Variants in ERI2 observed in about 807,000 individuals in gnomAD.
ERI2 encodes the protein ERI1 exoribonuclease 2.
Under a neutral mutation model 46.8 loss-of-function variants are expected in ERI2, and 35 were observed. The observed-to-expected ratio is 0.75, with a 90% CI of 0.57 to 0.99. The LOEUF is 0.99. Ranked by LOEUF, ERI2 falls within the 50% of genes least tolerant of loss-of-function variation. The pLI is 0.00. For missense variants in ERI2, 695 were observed against 796.2 expected (o/e 0.87, Z 1.53); for synonymous variants, 224 against 271.0 (o/e 0.83, Z 1.70).
downstream of ERI2, chr16:20,796,234 G>A (rs1366167071): frequency 6.4e-6 from 9 of 1,407,296 alleles, no homozygotes; most frequent in Non-Finnish European, 7.5e-6. Context: ...TAAGAGCACA[G>A]AGCTGGGATC....
rs775210578 is a variant in ERI2 at position 20,786,416 on chromosome 16, C to CA, written c.894+3062dup. 332 of 655,466 alleles carry CA rather than the reference C, an allele frequency of 5.1e-4. 1 individual carries two copies. The highest frequency in any genetic ancestry group is 6.6e-4 in the Non-Finnish European group (304 of 461,310). The allele number at this position is 655,466 out of a possible 1,614,324, so 40.6% of individuals were successfully genotyped here. On this transcript the variant is annotated intron_variant, in intron 10 of 10. Transcript: ENST00000300005. ...ACCCATTAGGCTGGATGCAGTGGCT[C>CA]ACGCCTGTAATCCCAACACTTTGGG...
At chr16:20,786,241 C>T (rs766699010) in intron 10 of ERI2, 1 of 1,511,938 alleles carries the variant, frequency 6.6e-7, no homozygotes, top group South Asian at 1.3e-5. Flanking sequence ...TATAAACTTT[C>T]TTTGTTATGA....
chr16:20,780,660 AAC>A lies in ERI2; in HGVS notation c.967_968del (p.Val323TyrfsTer3). Reference sequence around the variant, plus strand: ...GAGCTTCTCAAAATTTTTCAGTGGTAACAGTCTGTGATGCTGTGTTTAACATG... The same window carrying A: ...GAGCTTCTCAAAATTTTTCAGTGGTAAGTCTGTGATGCTGTGTTTAACATG... On this transcript the variant is annotated frameshift_variant, in exon 11 of 11. Transcript: ENST00000300005. LOFTEE classifies it low-confidence loss of function (END_TRUNC). 1.2e-6 allele frequency: 2 copies of A among 1,614,160 alleles called. No individual in the cohort carries two copies. Among genetic ancestry groups the A allele is most frequent in the Non-Finnish European group, 1.7e-6 (2 of 1,179,980 alleles).
chr16:20,794,457 CT>C (rs936718564), downstream of ERI2, among the ~76,000 whole-genome samples: 19 of 152,124 alleles, frequency 1.2e-4, no homozygotes, highest in Admixed American at 9.8e-4. Flanking sequence ...TGAAATGTGG[CT>C]AGTGTGACTG....
downstream of ERI2, among the ~76,000 whole-genome samples, chr16:20,793,398 C>T (rs111274370): frequency 7.3e-3 from 1,113 of 152,164 alleles, 16 homozygotes; most frequent in African/African-American, 0.025. Context: ...GGACCCGGGA[C>T]GGGGAGGTTA....
At chr16:20,804,406 T>C (rs1295700978) in intron 1 of ERI2, among the ~76,000 whole-genome samples, 1 of 152,188 alleles carries the variant, frequency 6.6e-6, no homozygotes, top group Admixed American at 6.5e-5. Flanking sequence ...GGCTCATGCC[T>C]GTAATCCCAG....
At chr16:20,787,387 A>T (rs2080497853) in intron 10 of ERI2, among the ~76,000 whole-genome samples, 1 of 152,318 alleles carries the variant, frequency 6.6e-6, no homozygotes, top group Non-Finnish European at 1.5e-5. Flanking sequence ...ACGTTAAGAG[A>T]CAGCAAAAGC....
In ERI2 at chr16:20,796,557, T is replaced by C; in HGVS notation, c.*1167A>G. 1 of 1,590,776 alleles carries C rather than the reference T, an allele frequency of 6.3e-7. No individual in the cohort carries two copies. Among genetic ancestry groups the C allele is most frequent in the Admixed American group, 1.8e-5 (1 of 54,116 alleles). On this transcript the variant is annotated 3_prime_UTR_variant, in exon 9 of 9. Transcript: ENST00000357967. Reference sequence around the variant, plus strand: ...ACAATTTCAAGTGTTTATTTTTACATTTTAATGAATATTTTCTTCACACAT... The same window carrying C: ...ACAATTTCAAGTGTTTATTTTTACACTTTAATGAATATTTTCTTCACACAT...
At chr16:20,802,574 A>ATTT (rs564591571) in intron 4 of ERI2, among the ~76,000 whole-genome samples, 4 of 132,494 alleles carry the variant, frequency 3.0e-5, no homozygotes, top group East Asian at 4.3e-4. Flanking sequence ...GCTAATTTAA[A>ATTT]TTTTTTTTTT....
chr16:20,784,222 C>T (rs1351569640), intron 10 of ERI2, among the ~76,000 whole-genome samples: 2 of 152,166 alleles, frequency 1.3e-5, no homozygotes, highest in Non-Finnish European at 2.9e-5. Context: ...TAGCCACTAA[C>T]CACAGCTAGT....
At chr16:20,781,835 G>C in intron 10 of ERI2, 1 of 1,408,154 alleles carries the variant, frequency 7.1e-7, no homozygotes, top group Non-Finnish European at 1.0e-6. Flanking sequence ...GGGGAGAAGA[G>C]GAAGCTATAA....
chr16:20,800,480 G>C, intron 5 of ERI2, 78 bp from the exon 6 acceptor site: 1 of 798,486 alleles, frequency 1.3e-6, no homozygotes, highest in Admixed American at 2.2e-5. Context: ...TTTACAAATA[G>C]AATGCTAGAA....
chr16:20,798,903 A>G lies in ERI2; in HGVS notation c.897T>C (p.Cys299=). The G allele has an allele frequency of 1.9e-6, 3 of 1,551,006 alleles. No individual in the cohort carries two copies. The highest frequency in any genetic ancestry group is 2.6e-6 in the Non-Finnish European group (3 of 1,146,768). ...PHEKVQMKSI[C]ANSPIKAQQD... ...GTTGTGCCTTTATAGGAGAATTTGC[A>G]CAAATTGACTTCATTTGAACTTTTT... Residue 299 remains cysteine, a synonymous_variant, in exon 9 of 9, where the codon TGT becomes TGC. Coordinates refer to ENST00000357967, the MANE Select transcript of ERI2 (RefSeq NM_001142725.2).
At chr16:20,783,721 C>T (rs910695395) in intron 10 of ERI2, 2 of 152,140 alleles carry the variant, frequency 1.3e-5, no homozygotes, top group African/African-American at 2.4e-5. Context: ...GTGACCCAGT[C>T]CTCTTCCATG....
rs35116517 is a variant in ERI2 at position 20,783,812 on chromosome 16, A to ATT, written c.895-3080_895-3079dup. 9.3e-3 allele frequency among the ~76,000 whole-genome samples: 1,371 copies of ATT among 147,164 alleles called. 25 individuals carry two copies. Among genetic ancestry groups the ATT allele is most frequent in the African/African-American group, 0.027 (1,072 of 40,238 alleles). On this transcript the variant is annotated intron_variant, in intron 10 of 10. Coordinates refer to the ERI2 transcript ENST00000300005. ...ATACACATGTGTTCTCCCCGTCTCA[A>ATT]TTTTTTTTTTTTTGAGACGGAGTCT...
In ERI2 at chr16:20,801,275, T is replaced by C; in HGVS notation, c.388A>G (p.Ile130Val). ...WIHKIQQQKN[I>V]IFATGISEPS... ...TCTGAAATCCCAGTAGCAAAAATAA[T>C]GTTCTTCTGTTGCTGAATCTTATGA... is the stretch of plus-strand genomic sequence containing the variant. Residue 130 changes from isoleucine (I) to valine (V), a missense_variant, in exon 5 of 9, where the codon ATT becomes GTT. Physicochemically the swap from Ile to Val is conservative, Grantham distance 29. Coordinates refer to ENST00000357967, the MANE Select transcript of ERI2 (RefSeq NM_001142725.2). 1 of 1,612,728 alleles carries C rather than the reference T, an allele frequency of 6.2e-7. No individual in the cohort carries two copies.
Position 20,796,713 on chromosome 16 carries a change from T to C in ERI2, c.*1011A>G, listed in dbSNP as rs2080730738. 21 of 1,485,400 alleles carry C rather than the reference T, an allele frequency of 1.4e-5. No individual in the cohort carries two copies. In the South Asian group the frequency reaches 2.9e-4, roughly 21 times the overall value. The allele number at this position is 1,485,400 out of a possible 1,614,324, so 92.0% of individuals were successfully genotyped here. A position where few individuals can be genotyped will look rare whatever the true frequency, so the allele number is the denominator to read the frequency against. On this transcript the variant is annotated 3_prime_UTR_variant, in exon 9 of 9. Coordinates refer to ENST00000357967, the MANE Select transcript of ERI2 (RefSeq NM_001142725.2). ...CTGGACTCACAGTAAATACTTAATA[T>C]CAAGACAACTTTCCTAACAATACCC...
At chr16:20,799,854 A>G in intron 7 of ERI2, 103 bp downstream of exon 7, 1 of 626,528 alleles carries the variant, frequency 1.6e-6, no homozygotes, top group Admixed American at 2.9e-5. Context: ...TTTTTTTTTT[A>G]GGCTGAAGAT....
At chr16:20,792,282 C>G (rs757582668), downstream of ERI2, 25 of 1,614,056 alleles carry the variant, frequency 1.5e-5, no homozygotes, top group Non-Finnish European at 1.9e-5. Context: ...GAATGAACAC[C>G]CTTCAGTTGC....
Sources: gnomAD v4.1 joint callset for allele counts (sites outside exome capture counted in the v4.1 genomes callset) on GRCh38, gnomAD v4.1.1 for gene constraint, MANE v1.5 for transcripts, NCBI Gene and HGNC (gene_info 2026-07-23, HGNC 2026-07-21) for gene names.